PLPP3: variants seen among roughly 807,000 people sequenced by gnomAD.
PLPP3 encodes the protein phospholipid phosphatase 3, also known as PAP2 beta.
In PLPP3, 6 loss-of-function variants were observed where a neutral mutation model predicts 29.6. The observed-to-expected ratio is 0.20, with a 90% CI of 0.11 to 0.40. The LOEUF (loss-of-function observed/expected upper bound fraction) is 0.40, where lower values mean the gene tolerates loss of function less well. Among genes scored for constraint, PLPP3 ranks in the 10% least tolerant of loss-of-function variants. The pLI is 1.00. For missense variants in PLPP3, 308 were observed against 407.7 expected, an observed-to-expected ratio of 0.76 and a Z score of 2.11; for synonymous variants, 152 against 159.7, an observed-to-expected ratio of 0.95 and a Z score of 0.36.
chr1:56,523,283 T>C (rs887228452), intron 4 of PLPP3, among the ~76,000 whole-genome samples: 7 of 152,196 alleles, frequency 4.6e-5, no homozygotes, highest in Admixed American at 2.0e-4. Flanking sequence ...ATGGTGAACG[T>C]TGCAAAAAAA....
chr1:56,579,132 G>GC lies in PLPP3; in HGVS notation c.-117dup. 1 of 1,402,362 alleles carries GC rather than the reference G, an allele frequency of 7.1e-7. No individual in the cohort carries two copies. The highest frequency in any genetic ancestry group is 9.4e-7 in the Non-Finnish European group (1 of 1,067,114). The allele number at this position is 1,402,362 out of a possible 1,614,324, so 86.9% of individuals were successfully genotyped here. ...GGCTGCTGCGGATAGTGGCGGGTCG[G>GC]CCCCGGCTCCGGGCGCGGCGGCTAG... On this transcript the variant is annotated 5_prime_UTR_variant, in exon 1 of 6. Coordinates refer to ENST00000371250, the MANE Select transcript of PLPP3 (RefSeq NM_003713.5).
intron 1 of PLPP3, among the ~76,000 whole-genome samples, chr1:56,560,832 C>T (rs1395507054): frequency 3.4e-5 from 3 of 89,334 alleles, no homozygotes; most frequent in Admixed American, 1.5e-4. Flanking sequence ...ATTCAGAGTC[C>T]TTTTTTTTTT....
At chr1:56,514,105 G>A (rs1163049700) in intron 4 of PLPP3, among the ~76,000 whole-genome samples, 2 of 151,986 alleles carry the variant, frequency 1.3e-5, no homozygotes, top group Non-Finnish European at 2.9e-5. Flanking sequence ...ACTATGAAAA[G>A]TGCTAAAGAC....
At chr1:56,555,462 A>AAAAAAAAAAACC (rs1646070373) in intron 1 of PLPP3, among the ~76,000 whole-genome samples, 3 of 115,222 alleles carry the variant, frequency 2.6e-5, no homozygotes, top group Admixed American at 1.9e-4. Flanking sequence ...AAAAAAAAAC[A>AAAAAAAAAAACC]AAAAACAAAC....
chr1:56,561,869 T>C (rs1171494224), intron 1 of PLPP3, among the ~76,000 whole-genome samples: 1 of 151,396 alleles, frequency 6.6e-6, no homozygotes, highest in African/African-American at 2.4e-5. Context: ...ACCCTGCCCT[T>C]ACTAAAAATA....
chr1:56,516,665 C>T (rs1163953631), intron 4 of PLPP3, among the ~76,000 whole-genome samples: 2 of 151,898 alleles, frequency 1.3e-5, no homozygotes, highest in South Asian at 2.1e-4. Flanking sequence ...ACAATGACAC[C>T]GCAGAAAGTG....
intron 1 of PLPP3, among the ~76,000 whole-genome samples, chr1:56,562,604 T>C (rs1217952889): frequency 6.6e-6 from 1 of 152,228 alleles, no homozygotes; most frequent in Non-Finnish European, 1.5e-5. Flanking sequence ...TCAAAAGCTC[T>C]GTGAGGTAGG....
Position 56,507,169 on chromosome 1 carries a change from G to T in PLPP3, c.810+4807C>A, listed in dbSNP as rs187399620. Among the ~76,000 whole-genome samples, 9 of 152,276 alleles carry T rather than the reference G, an allele frequency of 5.9e-5. No individual in the cohort carries two copies. In the East Asian group the frequency reaches 1.7e-3, roughly 29 times the overall value. On this transcript the variant is annotated intron_variant, in intron 5 of 5. Transcript: ENST00000371250. Reference sequence around the variant, plus strand: ...TCAACAGACCCAGGTAAAAGTTCTCGGCTGTCATGCCTGTTGCCTAAGGCT... The same window carrying T: ...TCAACAGACCCAGGTAAAAGTTCTCTGCTGTCATGCCTGTTGCCTAAGGCT...
chr1:56,511,532 TC>T (rs1191284591), intron 5 of PLPP3, among the ~76,000 whole-genome samples: 1 of 152,070 alleles, frequency 6.6e-6, no homozygotes, highest in Non-Finnish European at 1.5e-5. Context: ...GCGTACTGTG[TC>T]CACCAAAACA....
intron 2 of PLPP3, among the ~76,000 whole-genome samples, chr1:56,531,644 C>T (rs1288421546): frequency 6.6e-6 from 1 of 152,196 alleles, no homozygotes; most frequent in Non-Finnish European, 1.5e-5. Context: ...ATAAAGAGCA[C>T]TCTACATAGC....
At chr1:56,578,668 C>A (rs1342623860) in intron 1 of PLPP3, among the ~76,000 whole-genome samples, 1 of 152,176 alleles carries the variant, frequency 6.6e-6, no homozygotes, top group Non-Finnish European at 1.5e-5. Context: ...CACGCCCAGA[C>A]CCACTCAAGT....
chr1:56,553,242 A>G (rs954556011), intron 1 of PLPP3, among the ~76,000 whole-genome samples: 1 of 152,206 alleles, frequency 6.6e-6, no homozygotes, highest in African/African-American at 2.4e-5. Flanking sequence ...TTTAATATTT[A>G]TCCTCTCCAC....
intron 2 of PLPP3, among the ~76,000 whole-genome samples, chr1:56,535,652 T>G (rs1433755290): frequency 6.6e-6 from 1 of 152,200 alleles, no homozygotes; most frequent in Non-Finnish European, 1.5e-5. Flanking sequence ...AGAAAGGGAT[T>G]GGCCTTGGCA....
At chr1:56,543,579 T>A (rs1389062957) in intron 1 of PLPP3, among the ~76,000 whole-genome samples, 1 of 152,222 alleles carries the variant, frequency 6.6e-6, no homozygotes, top group African/African-American at 2.4e-5. Context: ...GGCTTCTATT[T>A]AAAGTAATTA....
chr1:56,548,346 C>T (rs1646018442), intron 1 of PLPP3, among the ~76,000 whole-genome samples: 1 of 152,238 alleles, frequency 6.6e-6, no homozygotes, highest in African/African-American at 2.4e-5. Flanking sequence ...CCAAACTAAT[C>T]CCTTTGACCT....
In PLPP3 at chr1:56,578,885, G is replaced by A. The variant is rs1394514724; in HGVS notation, c.132C>T (p.Leu44=). 11 of 1,582,890 alleles carry A rather than the reference G, an allele frequency of 6.9e-6. No individual in the cohort carries two copies. Among genetic ancestry groups the A allele is most frequent in the African/African-American group, 1.4e-5 (1 of 72,248 alleles). Residue 44 remains leucine, a synonymous_variant, in exon 1 of 6, where the codon CTC becomes CTT. Coordinates refer to ENST00000371250, the MANE Select transcript of PLPP3 (RefSeq NM_003713.5). ...CAGCGGGGCTGGGCTCACCCATGAA[G>A]AGGCAGAAGAGGTCGAGGCAGATGA... ...VLLICLDLFC[L]FMAGLPFLII...
intron 1 of PLPP3, among the ~76,000 whole-genome samples, chr1:56,559,759 C>G (rs1646108752): frequency 6.6e-6 from 1 of 152,062 alleles, no homozygotes; most frequent in Non-Finnish European, 1.5e-5. Flanking sequence ...TTTGTTTTCT[C>G]TATATTTTAC....
At chr1:56,508,096 AAT>A (rs571422232) in intron 5 of PLPP3, among the ~76,000 whole-genome samples, 38 of 152,182 alleles carry the variant, frequency 2.5e-4, no homozygotes, top group Non-Finnish European at 4.7e-4. Flanking sequence ...TAAGCCACTA[AAT>A]TTGTGGTAAT....
intron 1 of PLPP3, among the ~76,000 whole-genome samples, chr1:56,553,709 G>A (rs1017288392): frequency 6.6e-6 from 1 of 152,164 alleles, no homozygotes; most frequent in Non-Finnish European, 1.5e-5. Flanking sequence ...AGCAAGAGAA[G>A]GGCAATCTAT....
Sources: gnomAD v4.1 joint callset for allele counts (sites outside exome capture counted in the v4.1 genomes callset) on GRCh38, gnomAD v4.1.1 for gene constraint, MANE v1.5 for transcripts, NCBI Gene and HGNC (gene_info 2026-07-23, HGNC 2026-07-21) for gene names.